Variants in MS4A4E observed in about 807,000 individuals in gnomAD.
MS4A4E encodes putative membrane-spanning 4-domains subfamily A member 4E.
Under a neutral mutation model 13.3 loss-of-function variants are expected in MS4A4E, and 23 were observed. The observed-to-expected ratio is 1.73, with a 90% CI of 1.25 to 2.45. The LOEUF is 2.45. MS4A4E is among the 30% of genes most tolerant of loss of function. The probability of loss-of-function intolerance (pLI) is 0.00; values close to 1 mark genes in which losing one functional copy is unlikely to be tolerated. For synonymous variants in MS4A4E, 36 were observed against 45.6 expected (o/e 0.79, Z 0.85); for missense variants, 144 against 131.2 (o/e 1.10, Z -0.48).
intron 4 of MS4A4E, among the ~76,000 whole-genome samples, chr11:60,214,314 C>T (rs2084162546): frequency 6.6e-6 from 1 of 152,162 alleles, no homozygotes; most frequent in African/African-American, 2.4e-5. Context: ...AGTGATCCCA[C>T]TTCATATTTG....
chr11:60,230,408 C>T (rs2084393879), intron 1 of MS4A4E, among the ~76,000 whole-genome samples: 1 of 152,218 alleles, frequency 6.6e-6, no homozygotes, highest in Non-Finnish European at 1.5e-5. Context: ...CTCTTGATTA[C>T]AGCCACTTCC....
intron 3 of MS4A4E, among the ~76,000 whole-genome samples, chr11:60,222,224 C>T (rs923101105): frequency 3.3e-5 from 5 of 152,200 alleles, no homozygotes; most frequent in African/African-American, 1.2e-4. Context: ...GTTTGCCTAT[C>T]CTGCACACAA....
chr11:60,215,697 T>C (rs2084183823), intron 3 of MS4A4E, among the ~76,000 whole-genome samples: 1 of 151,876 alleles, frequency 6.6e-6, no homozygotes, highest in Non-Finnish European at 1.5e-5. Flanking sequence ...CTATTTGGGG[T>C]ATATTAACCA....
chr11:60,228,718 A>G, intron 2 of MS4A4E, 91 bp from the exon 3 acceptor site: 2 of 647,914 alleles, frequency 3.1e-6, no homozygotes, highest in Middle Eastern at 4.8e-4. Flanking sequence ...GCATAAATAA[A>G]CTGTGGTACC....
At position 60,228,500 on chromosome 11, in the gene MS4A4E, A is replaced by T. The variant is rs112035080; in HGVS notation, c.178+94T>A. The T allele has an allele frequency of 2.4e-3, 1,404 of 588,444 alleles. 18 individuals are homozygous for T. The highest frequency in any genetic ancestry group is 0.023 in the African/African-American group (1,237 of 53,790). The allele number at this position is 588,444 out of a possible 1,614,324, so 36.5% of individuals were successfully genotyped here. A position where few individuals can be genotyped will look rare whatever the true frequency, so the allele number is the denominator to read the frequency against. ...GAACTCTCCTTCATTGTTGACTGAA[A>T]TCTTCAAAATTGCAAAGTAACAGGG... On this transcript the variant is annotated intron_variant, in intron 3 of 8. Transcript: ENST00000651255.
intron 3 of MS4A4E, among the ~76,000 whole-genome samples, chr11:60,227,545 C>T (rs1006249813): frequency 6.6e-6 from 1 of 151,498 alleles, no homozygotes; most frequent in African/African-American, 2.4e-5. Flanking sequence ...CGCCAGACTC[C>T]ATCTCAAAAT....
intron 1 of MS4A4E, among the ~76,000 whole-genome samples, chr11:60,234,786 C>CCA (rs1554987270): frequency 8.8e-4 from 126 of 143,546 alleles, no homozygotes; most frequent in East Asian, 1.1e-3. Context: ...AACCCCCCCC[C>CCA]CCAAAATAAC....
At chr11:60,240,861 G>C (rs189600237) in intron 1 of MS4A4E, among the ~76,000 whole-genome samples, 8 of 152,154 alleles carry the variant, frequency 5.3e-5, no homozygotes, top group African/African-American at 1.7e-4. Flanking sequence ...CCCATTTCCC[G>C]CATGTGGATT....
chr11:60,211,030 A>G (rs934843497), intron 5 of MS4A4E, among the ~76,000 whole-genome samples: 1 of 152,242 alleles, frequency 6.6e-6, no homozygotes, highest in Admixed American at 6.5e-5. Flanking sequence ...GAGTAACTGC[A>G]CAGGTCCCAT....
chr11:60,242,579 A>T (rs1053036387), intron 1 of MS4A4E, among the ~76,000 whole-genome samples: 4 of 152,224 alleles, frequency 2.6e-5, no homozygotes, highest in Non-Finnish European at 5.9e-5. Flanking sequence ...GAGACAAAGA[A>T]TAAAGACCAT....
Position 60,243,012 on chromosome 11 carries a change from C to A in MS4A4E, c.-71G>T. On this transcript the variant is annotated 5_prime_UTR_variant, in exon 1 of 9. Transcript: ENST00000651255. ...GGTCTGATGAGTGCAGGGCTCTGGGCAAGTTCCTCAAAGTTCTTTGTTCCA... is the reference window on the plus strand; with the variant it reads ...GGTCTGATGAGTGCAGGGCTCTGGGAAAGTTCCTCAAAGTTCTTTGTTCCA... 6.5e-7 allele frequency: 1 copy of A among 1,534,252 alleles called. No individual in the cohort carries two copies. The highest frequency in any genetic ancestry group is 8.9e-7 in the Non-Finnish European group (1 of 1,129,248).
intron 3 of MS4A4E, among the ~76,000 whole-genome samples, chr11:60,224,798 A>C (rs1020688805): frequency 1.5e-4 from 23 of 152,158 alleles, no homozygotes; most frequent in Admixed American, 1.2e-3. Context: ...TTTAAGTTTT[A>C]TATTATTATT....
chr11:60,228,884 G>C (rs1357045006), intron 2 of MS4A4E, among the ~76,000 whole-genome samples: 1 of 152,224 alleles, frequency 6.6e-6, no homozygotes, highest in East Asian at 1.9e-4. Flanking sequence ...TTCTGGAAAA[G>C]GCAAACTATG....
intron 3 of MS4A4E, among the ~76,000 whole-genome samples, chr11:60,228,080 A>C (rs1227334178): frequency 1.3e-5 from 2 of 152,188 alleles, no homozygotes; most frequent in South Asian, 2.1e-4. Flanking sequence ...AACCCATGAA[A>C]TACCGAATTA....
At chr11:60,229,857 T>C (rs2084385835) in intron 2 of MS4A4E, 55 bp downstream of exon 2, 4 of 1,534,750 alleles carry the variant, frequency 2.6e-6, no homozygotes, top group African/African-American at 1.4e-5. Context: ...TTAGCTCTGA[T>C]CAAATGTGAG....
rs897325950 is a variant in MS4A4E at position 60,200,321 on chromosome 11, T to G, written c.*1222A>C. ...TTATTTAATTTTTTATTGACCATTC[T>G]TGGGTGTTTCTCACAGAGGGGGATT... On this transcript the variant is annotated 3_prime_UTR_variant, in exon 9 of 9. Transcript: ENST00000651255. Among the ~76,000 whole-genome samples, 3 of 152,086 alleles carry G rather than the reference T, an allele frequency of 2.0e-5. No homozygotes were observed. The highest frequency in any genetic ancestry group is 7.2e-5 in the African/African-American group (3 of 41,438).
chr11:60,214,299 T>C (rs1042754186), intron 4 of MS4A4E, among the ~76,000 whole-genome samples: 2 of 152,198 alleles, frequency 1.3e-5, no homozygotes, highest in Admixed American at 1.3e-4. Flanking sequence ...TGCAGAGTTT[T>C]TTTGAGTGAT....
intron 1 of MS4A4E, among the ~76,000 whole-genome samples, chr11:60,231,334 T>C (rs892173029): frequency 6.6e-6 from 1 of 151,614 alleles, no homozygotes; most frequent in Non-Finnish European, 1.5e-5. Context: ...TAATAAGAAA[T>C]AAATAATGTA....
chr11:60,242,755 C>T (rs758475005), intron 1 of MS4A4E, among the ~76,000 whole-genome samples: 6 of 152,110 alleles, frequency 3.9e-5, no homozygotes, highest in African/African-American at 7.2e-5. Flanking sequence ...TCAACTGTAG[C>T]GAAGACTGTT....
Sources: allele counts gnomAD v4.1 joint callset (sites outside exome capture counted in the v4.1 genomes callset), GRCh38; gene constraint gnomAD v4.1.1; transcripts MANE v1.5; gene names NCBI Gene and HGNC (gene_info 2026-07-23, HGNC 2026-07-21).